FHIT: variants seen among roughly 807,000 people sequenced by gnomAD.
The protein encoded by FHIT is fragile histidine triad diadenosine triphosphatase.
In FHIT, 19 loss-of-function variants were observed where a neutral mutation model predicts 17.9. The ratio of observed to expected loss-of-function variants is 1.06; its 90% CI spans 0.74 to 1.56. The LOEUF (loss-of-function observed/expected upper bound fraction) is 1.56. FHIT is among the 40% of genes most tolerant of loss of function. FHIT has a pLI of 0.00. For synonymous variants in FHIT, 81 were observed against 69.7 expected, an observed-to-expected ratio of 1.16 and a Z score of -0.81; for missense variants, 248 against 189.2, an observed-to-expected ratio of 1.31 and a Z score of -1.82.
At chr3:60,722,443 A>G (rs2107966420) in intron 4 of FHIT, among the ~76,000 whole-genome samples, 1 of 152,308 alleles carries the variant, frequency 6.6e-6, no homozygotes, top group African/African-American at 2.4e-5. Context: ...AAGATTCACT[A>G]GATAACTGTC....
chr3:60,365,205 G>T (rs1700058791), intron 5 of FHIT, among the ~76,000 whole-genome samples: 2 of 150,110 alleles, frequency 1.3e-5, no homozygotes, highest in South Asian at 4.2e-4. Context: ...CTAAAATTGG[G>T]ATCTTTCTGG....
At chr3:59,863,088 A>G (rs1331891090) in intron 8 of FHIT, among the ~76,000 whole-genome samples, 3 of 152,248 alleles carry the variant, frequency 2.0e-5, no homozygotes, top group Admixed American at 1.3e-4. Flanking sequence ...GAATAGTCCT[A>G]TCCAAGGAAT....
At chr3:60,610,076 ATTAT>A (rs1397512716) in intron 4 of FHIT, among the ~76,000 whole-genome samples, 2 of 152,132 alleles carry the variant, frequency 1.3e-5, no homozygotes, top group African/African-American at 4.8e-5. Flanking sequence ...AATAAACTAC[ATTAT>A]TATTATATTT....
chr3:60,635,436 T>A (rs1553683558), intron 4 of FHIT, among the ~76,000 whole-genome samples: 1 of 152,216 alleles, frequency 6.6e-6, no homozygotes, highest in Non-Finnish European at 1.5e-5. Context: ...ACTCCCCTCC[T>A]TCATAAGCCG....
intron 8 of FHIT, among the ~76,000 whole-genome samples, chr3:59,788,255 G>A (rs186841012): frequency 3.1e-4 from 47 of 152,254 alleles, no homozygotes; most frequent in Non-Finnish European, 5.6e-4. Flanking sequence ...CTCCTCTAGT[G>A]AACTGCAATC....
intron 4 of FHIT, among the ~76,000 whole-genome samples, chr3:60,560,870 GTGTC>G (rs1483616711): frequency 3.3e-4 from 47 of 144,388 alleles, no homozygotes; most frequent in African/African-American, 7.3e-4. Flanking sequence ...GTGTGTGTGT[GTGTC>G]AAGGAGAGGT....
intron 5 of FHIT, among the ~76,000 whole-genome samples, chr3:60,237,154 T>C (rs1216396442): frequency 1.3e-5 from 2 of 152,166 alleles, no homozygotes; most frequent in South Asian, 4.1e-4. Context: ...TTTTCAAAAA[T>C]AGAATTACTA....
chr3:60,510,499 T>G (rs1166772987), intron 5 of FHIT, among the ~76,000 whole-genome samples: 1 of 152,204 alleles, frequency 6.6e-6, no homozygotes, highest in Non-Finnish European at 1.5e-5. Flanking sequence ...ATTTGGCCTT[T>G]TATCTCATTT....
chr3:59,924,992 G>T (rs1705581349), intron 7 of FHIT, among the ~76,000 whole-genome samples: 1 of 151,814 alleles, frequency 6.6e-6, no homozygotes, highest in South Asian at 2.1e-4. Flanking sequence ...ATTATGTGTA[G>T]ACTCTTTGTC....
chr3:60,348,932 A>G (rs888962639), intron 5 of FHIT, among the ~76,000 whole-genome samples: 4 of 152,216 alleles, frequency 2.6e-5, no homozygotes, highest in African/African-American at 9.6e-5. Context: ...CCAGCCAGCT[A>G]ACCCTGACAT....
intron 5 of FHIT, among the ~76,000 whole-genome samples, chr3:60,158,402 C>T (rs776316785): frequency 9.2e-5 from 14 of 152,024 alleles, no homozygotes; most frequent in Non-Finnish European, 1.5e-4. Flanking sequence ...ACCTCCGCTT[C>T]CAGGGTTCAA....
chr3:60,285,024 G>A (rs1707653849), intron 5 of FHIT, among the ~76,000 whole-genome samples: 1 of 151,850 alleles, frequency 6.6e-6, no homozygotes, highest in African/African-American at 2.4e-5. Flanking sequence ...TTGTCCTGTG[G>A]GATACTAATC....
chr3:60,614,050 G>A (rs2038866626), intron 4 of FHIT, among the ~76,000 whole-genome samples: 1 of 152,086 alleles, frequency 6.6e-6, no homozygotes, highest in South Asian at 2.1e-4. Context: ...GGTGGGTGGA[G>A]AAAGAGAAAT....
At chr3:60,019,565 T>G (rs1343218393) in intron 5 of FHIT, among the ~76,000 whole-genome samples, 2 of 151,998 alleles carry the variant, frequency 1.3e-5, no homozygotes, top group Non-Finnish European at 2.9e-5. Flanking sequence ...AATACAGGCA[T>G]GCACCACCAT....
At chr3:60,185,941 G>C (rs1271714422) in intron 5 of FHIT, among the ~76,000 whole-genome samples, 1 of 152,056 alleles carries the variant, frequency 6.6e-6, no homozygotes, top group East Asian at 1.9e-4. Flanking sequence ...TTTTCCATCT[G>C]CACATCTTTA....
At chr3:60,479,120 G>A (rs2033486226) in intron 5 of FHIT, among the ~76,000 whole-genome samples, 1 of 152,152 alleles carries the variant, frequency 6.6e-6, no homozygotes, top group African/African-American at 2.4e-5. Context: ...CTTGCCCATG[G>A]TTCAGACGTG....
intron 2 of FHIT, among the ~76,000 whole-genome samples, chr3:61,131,771 T>G (rs912348961): frequency 6.6e-6 from 1 of 152,200 alleles, no homozygotes; most frequent in Non-Finnish European, 1.5e-5. Flanking sequence ...CAGGCAGGAC[T>G]GAAAAGGAAT....
intron 4 of FHIT, among the ~76,000 whole-genome samples, chr3:60,807,928 A>C (rs1247545848): frequency 6.6e-6 from 1 of 152,272 alleles, no homozygotes; most frequent in Non-Finnish European, 1.5e-5. Context: ...TAAAGACCTC[A>C]CTAGCAGGAA....
At position 59,826,045 on chromosome 3, in the gene FHIT, G is replaced by C. The variant is rs566653014; in HGVS notation, c.349-73724C>G. ...CAGTTTTAAGCATCCCTGCAAACAC[G>C]ACTTCTTTAACGATCTCCAGTTTAA... is the stretch of plus-strand genomic sequence containing the variant. On this transcript the variant is annotated intron_variant, in intron 8 of 9. Transcript: ENST00000492590. Among the ~76,000 whole-genome samples, 4 of 152,224 alleles carry C rather than the reference G, an allele frequency of 2.6e-5. No homozygotes were observed. In the South Asian group the frequency reaches 8.3e-4, roughly 32 times the overall value.
Sources: allele counts gnomAD v4.1 joint callset (sites outside exome capture counted in the v4.1 genomes callset), GRCh38; gene constraint gnomAD v4.1.1; transcripts MANE v1.5; gene names NCBI Gene and HGNC (gene_info 2026-07-23, HGNC 2026-07-21).